The following ARHGEF4 variants were observed in gnomAD, a reference collection of about 807,000 sequenced individuals.
The protein encoded by ARHGEF4 is APC-stimulated guanine nucleotide exchange factor 1.
Under a neutral mutation model 162.0 loss-of-function variants are expected in ARHGEF4, and 119 were observed. The observed-to-expected ratio is 0.73, with a 90% CI of 0.63 to 0.86. The LOEUF is 0.86. ARHGEF4 is among the 40% of genes least tolerant of loss of function. The pLI is 0.00. For synonymous variants in ARHGEF4, 1,014 were observed against 979.9 expected, an observed-to-expected ratio of 1.03 and a Z score of -0.65; for missense variants, 2,488 against 2,456.0, an observed-to-expected ratio of 1.01 and a Z score of -0.28.
chr2:130,915,411 C>G lies in ARHGEF4; in HGVS notation c.1465C>G (p.Gln489Glu). The change falls in exon 2 of 14, where the codon CAG becomes GAG. Residue 489 changes from glutamine (Q) to glutamate (E), a missense_variant. Around this residue, in one of 6 missense-constraint regions of ARHGEF4, gnomAD observed 1,642 missense variants for 1,481.5 expected, o/e 1.11. Coordinates refer to ENST00000409359, the MANE Select transcript of ARHGEF4 (RefSeq NM_001367493.1). ...APRAADERET[Q>E]KHLWGISVQA... ...AAGAGCTGCTGATGAGAGAGAGACA[C>G]AGAAGCACCTCTGGGGCATTTCTGT... is the stretch of plus-strand genomic sequence containing the variant. 6.4e-7 allele frequency: 1 copy of G among 1,550,582 alleles called. No homozygotes were observed. Among genetic ancestry groups the G allele is most frequent in the Non-Finnish European group, 8.7e-7 (1 of 1,147,010 alleles).
chr2:131,001,322 A>AC (rs1382146633), intron 4 of ARHGEF4, among the ~76,000 whole-genome samples: 1 of 151,040 alleles, frequency 6.6e-6, no homozygotes, highest in African/African-American at 2.4e-5. Flanking sequence ...AAAAAAAAAA[A>AC]AAAAAACAGA....
In ARHGEF4 at chr2:130,931,013, C is replaced by T. The variant is rs775063530; in HGVS notation, c.3614C>T (p.Ala1205Val). ...EKPSCSHSQK[A>V]FHMEPAQKPC... ...CCCAGTTGCTCTCACAGTCAGAAGG[C>T]GTTCCACATGGAGCCTGCCCAGAAG... The change falls in exon 3 of 14, where the codon GCG becomes GTG. Residue 1205 changes from alanine (A) to valine (V), a missense_variant. Transcript: ENST00000409359. 8 of 1,613,766 alleles carry T rather than the reference C, an allele frequency of 5.0e-6. No homozygotes were observed. The highest frequency in any genetic ancestry group is 4.5e-5 in the East Asian group (2 of 44,880).
At chr2:130,953,089 G>T (rs184116398) in intron 4 of ARHGEF4, among the ~76,000 whole-genome samples, 1 of 152,004 alleles carries the variant, frequency 6.6e-6, no homozygotes, top group Non-Finnish European at 1.5e-5. Flanking sequence ...AAAAAAGCCC[G>T]CATTGCCAAG....
intron 1 of ARHGEF4, among the ~76,000 whole-genome samples, chr2:130,897,423 G>T (rs146829329): frequency 4.6e-5 from 7 of 152,196 alleles, no homozygotes; most frequent in Non-Finnish European, 7.3e-5. Context: ...CTTCCCATGC[G>T]CAGTCTAGTC....
intron 1 of ARHGEF4, among the ~76,000 whole-genome samples, chr2:130,892,866 T>C (rs1679937199): frequency 6.6e-6 from 1 of 152,186 alleles, no homozygotes; most frequent in Non-Finnish European, 1.5e-5. Context: ...CAGCAGCCAC[T>C]CTCCCACGCC....
chr2:130,870,716 A>G (rs1318789867), intron 1 of ARHGEF4, among the ~76,000 whole-genome samples: 1 of 152,062 alleles, frequency 6.6e-6, no homozygotes, highest in Non-Finnish European at 1.5e-5. Context: ...CAGGTATCTA[A>G]TTTCTTACAA....
At chr2:130,900,541 T>A (rs1184685872) in intron 1 of ARHGEF4, among the ~76,000 whole-genome samples, 1 of 152,352 alleles carries the variant, frequency 6.6e-6, no homozygotes, top group African/African-American at 2.4e-5. Context: ...TGATTTGTAT[T>A]TGCTTCCTTT....
intron 4 of ARHGEF4, among the ~76,000 whole-genome samples, chr2:130,953,804 G>T (rs1167649411): frequency 6.6e-6 from 1 of 152,224 alleles, no homozygotes; most frequent in Non-Finnish European, 1.5e-5. Context: ...ATGAAAAAAT[G>T]TTCATCATCA....
intron 3 of ARHGEF4, among the ~76,000 whole-genome samples, chr2:130,943,250 G>T (rs1406668381): frequency 6.6e-6 from 1 of 152,064 alleles, no homozygotes; most frequent in Non-Finnish European, 1.5e-5. Context: ...GGTTTTGTCT[G>T]ATATTAATAT....
rs138452812 is a variant in ARHGEF4, at chr2:131,041,496, G to A, written c.4895+34G>A. The A allele has an allele frequency of 2.7e-4, 428 of 1,575,044 alleles. 2 individuals carry two copies. The East Asian group carries it at 8.4e-3, about 31-fold the overall frequency. ...GCACTGAGGCAGGGAGGCAGCCCACGCCTCTGCATGCCTCCAGTCAGCCAG... is the reference window on the plus strand; with the variant it reads ...GCACTGAGGCAGGGAGGCAGCCCACACCTCTGCATGCCTCCAGTCAGCCAG... On this transcript the variant is annotated intron_variant, in intron 9 of 13. Transcript: ENST00000409359.
intron 1 of ARHGEF4, among the ~76,000 whole-genome samples, chr2:130,846,895 C>T (rs1204440212): frequency 4.6e-5 from 7 of 152,182 alleles, no homozygotes; most frequent in Admixed American, 2.6e-4. Flanking sequence ...TTATGTGACA[C>T]GGGTACGTTT....
At chr2:131,029,690 A>C (rs1279526981) in intron 5 of ARHGEF4, among the ~76,000 whole-genome samples, 1 of 151,838 alleles carries the variant, frequency 6.6e-6, no homozygotes, top group Non-Finnish European at 1.5e-5. Context: ...AGTAGCTGGG[A>C]TTACAGGCGC....
intron 2 of ARHGEF4, among the ~76,000 whole-genome samples, chr2:130,924,126 C>A (rs1180290797): frequency 2.0e-5 from 3 of 151,822 alleles, no homozygotes; most frequent in African/African-American, 7.3e-5. Context: ...CGTGATCCAC[C>A]TACCTCGGCC....
intron 4 of ARHGEF4, among the ~76,000 whole-genome samples, chr2:130,979,911 T>C (rs1359513295): frequency 6.6e-6 from 1 of 152,096 alleles, no homozygotes; most frequent in Non-Finnish European, 1.5e-5. Flanking sequence ...GAGGAAACTT[T>C]CTCAAACAAT....
intron 4 of ARHGEF4, chr2:130,964,085 C>A: frequency 1.2e-6 from 1 of 811,414 alleles, no homozygotes; most frequent in Non-Finnish European, 1.5e-6. Flanking sequence ...AGCGGGCAGA[C>A]GAGTGGCGAT....
intron 4 of ARHGEF4, among the ~76,000 whole-genome samples, chr2:130,973,066 G>C (rs1685467745): frequency 6.6e-6 from 1 of 152,238 alleles, no homozygotes; most frequent in Admixed American, 6.5e-5. Flanking sequence ...AGTAAGTCTA[G>C]AGCAAGCTCT....
At chr2:130,853,094 G>A (rs1681525472) in intron 1 of ARHGEF4, among the ~76,000 whole-genome samples, 1 of 152,198 alleles carries the variant, frequency 6.6e-6, no homozygotes, top group South Asian at 2.1e-4. Flanking sequence ...CCAGGGGGCT[G>A]TTTCTCAAAT....
At chr2:130,962,914 T>C (rs1341336232) in intron 4 of ARHGEF4, among the ~76,000 whole-genome samples, 2 of 152,062 alleles carry the variant, frequency 1.3e-5, no homozygotes, top group Non-Finnish European at 2.9e-5. Context: ...TCCCACAGTT[T>C]TTCACCTCCT....
chr2:130,914,045 C>T lies in ARHGEF4; in HGVS notation c.99C>T (p.Pro33=). ...GEGEIEDNQL[P]TSPAEQVEQG... ...GTGAGATTGAAGATAACCAGCTCCC[C>T]ACATCCCCTGCAGAACAAGTGGAGC... The change falls in exon 2 of 14, where the codon CCC becomes CCT. Residue 33 remains proline (P), a synonymous_variant. Coordinates refer to ENST00000409359, the MANE Select transcript of ARHGEF4 (RefSeq NM_001367493.1). 6.5e-7 allele frequency: 1 copy of T among 1,536,112 alleles called. No homozygotes were observed. The highest frequency in any genetic ancestry group is 1.2e-5 in the South Asian group (1 of 84,052).
Sources: allele counts gnomAD v4.1 joint callset (sites outside exome capture counted in the v4.1 genomes callset), GRCh38; gene constraint gnomAD v4.1.1; regional missense constraint gnomAD v4.1.1; transcripts MANE v1.5; gene names NCBI Gene and HGNC (gene_info 2026-07-23, HGNC 2026-07-21).